STAU2: variants seen among roughly 807,000 people sequenced by gnomAD.
STAU2 encodes the protein double-stranded RNA-binding protein Staufen homolog 2.
Under a neutral mutation model 65.9 loss-of-function variants are expected in STAU2, and 20 were observed. The observed-to-expected ratio is 0.30, with a 90% CI of 0.21 to 0.44. The LOEUF is 0.44. STAU2 is among the 20% of genes least tolerant of loss of function. STAU2 has a pLI of 1.00. For synonymous variants in STAU2, 232 were observed against 233.9 expected (o/e 0.99, Z 0.07); for missense variants, 558 against 683.9 (o/e 0.82, Z 2.05).
chr8:73,438,578 T>C (rs1263585493), intron 13 of STAU2, among the ~76,000 whole-genome samples: 1 of 152,214 alleles, frequency 6.6e-6, no homozygotes, highest in Non-Finnish European at 1.5e-5. Context: ...CAATGCCTTA[T>C]TCTGGGGAAG....
intron 13 of STAU2, among the ~76,000 whole-genome samples, chr8:73,478,474 T>A (rs1820435723): frequency 6.8e-6 from 1 of 148,076 alleles, no homozygotes; most frequent in South Asian, 2.3e-4. Context: ...GAGTAGATGC[T>A]CTAAAAATAG....
At chr8:73,550,515 C>A in intron 13 of STAU2, 1 of 986,256 alleles carries the variant, frequency 1.0e-6, no homozygotes. Flanking sequence ...TCAGACATTT[C>A]TAAATGATTA....
chr8:73,623,884 T>C (rs908924251), intron 6 of STAU2, among the ~76,000 whole-genome samples: 1 of 152,210 alleles, frequency 6.6e-6, no homozygotes, highest in Non-Finnish European at 1.5e-5. Context: ...GATCTAACTG[T>C]TAATTCTTGA....
intron 13 of STAU2, among the ~76,000 whole-genome samples, chr8:73,498,252 A>G (rs1013446336): frequency 6.6e-6 from 1 of 151,858 alleles, no homozygotes; most frequent in African/African-American, 2.4e-5. Context: ...CAGTGAAAAA[A>G]GTAATAAAGG....
intron 13 of STAU2, among the ~76,000 whole-genome samples, chr8:73,477,914 A>G (rs1820398969): frequency 6.6e-6 from 1 of 152,168 alleles, no homozygotes; most frequent in South Asian, 2.1e-4. Flanking sequence ...ATGGAGAATA[A>G]GTACAATTTT....
intron 13 of STAU2, among the ~76,000 whole-genome samples, chr8:73,486,496 A>C (rs909035463): frequency 2.0e-5 from 3 of 151,790 alleles, no homozygotes; most frequent in African/African-American, 7.2e-5. Flanking sequence ...AACATACTTC[A>C]GACTGGTTTT....
chr8:73,613,884 C>T lies in STAU2; in HGVS notation c.751G>A (p.Glu251Lys). 6.2e-7 allele frequency: 1 copy of T among 1,613,816 alleles called. No homozygotes were observed. The highest frequency in any genetic ancestry group is 1.7e-5 in the Admixed American group (1 of 59,988). The change falls in exon 9 of 15, where the codon GAA becomes AAA. Residue 251 changes from glutamate (E) to lysine (K), a missense_variant. Physicochemically the swap from Glu to Lys is moderately conservative, Grantham distance 56 (BLOSUM62 1). Coordinates refer to ENST00000524300, the MANE Select transcript of STAU2 (RefSeq NM_001164380.2). ...TRVSVGEFSA[E>K]GEGNSKKLSK... ...AGTTTTTTGCTATTTCCTTCTCCTT[C>T]TGCAGAGAACTCTCCTACTGACACT...
At chr8:73,596,978 T>C (rs1196675846) in intron 10 of STAU2, among the ~76,000 whole-genome samples, 1 of 151,984 alleles carries the variant, frequency 6.6e-6, no homozygotes, top group Non-Finnish European at 1.5e-5. Flanking sequence ...TATCAAAACT[T>C]GAAGGACACA....
intron 13 of STAU2, among the ~76,000 whole-genome samples, chr8:73,424,682 T>G (rs534071859): frequency 3.9e-5 from 6 of 152,034 alleles, no homozygotes; most frequent in Non-Finnish European, 5.9e-5. Context: ...ATATGTGGAA[T>G]TTAATGTGTA....
intron 11 of STAU2, among the ~76,000 whole-genome samples, chr8:73,585,444 C>T (rs1810296114): frequency 1.3e-5 from 2 of 152,242 alleles, no homozygotes; most frequent in African/African-American, 4.8e-5. Flanking sequence ...CGTGCCATTG[C>T]ACACCAGCCT....
intron 13 of STAU2, among the ~76,000 whole-genome samples, chr8:73,428,439 A>G (rs2128881135): frequency 6.6e-6 from 1 of 152,226 alleles, no homozygotes. Context: ...GAGGGTGCAG[A>G]TATCTCTTGA....
upstream of STAU2, chr8:73,747,269 C>A: frequency 7.9e-7 from 1 of 1,264,222 alleles, no homozygotes; most frequent in Non-Finnish European, 1.1e-6. Flanking sequence ...CCCTCGTCTG[C>A]CAAGGGTGGG....
chr8:73,671,317 G>A (rs1817652353), intron 6 of STAU2, among the ~76,000 whole-genome samples: 1 of 151,458 alleles, frequency 6.6e-6, no homozygotes, highest in African/African-American at 2.4e-5. Flanking sequence ...GAGGCGGAGG[G>A]TGCAGTGAGC....
At position 73,709,175 on chromosome 8, in the gene STAU2, A is replaced by C; in HGVS notation, c.-17-13T>G. 3 of 1,487,154 alleles carry C rather than the reference A, an allele frequency of 2.0e-6. No individual in the cohort carries two copies. The highest frequency in any genetic ancestry group is 2.7e-6 in the Non-Finnish European group (3 of 1,123,234). 92.1% of individuals were successfully genotyped at this position (1,487,154 alleles called of 1,614,324 possible). ...TCTTGGAGAGAAGCTGTAAATAAAA[A>C]GGCTATAAAGTTTTTGTGAAGAATG... is the stretch of plus-strand genomic sequence containing the variant. On this transcript the variant is annotated splice_polypyrimidine_tract_variant and intron_variant, in intron 3 of 14. Coordinates refer to ENST00000524300, the MANE Select transcript of STAU2 (RefSeq NM_001164380.2).
At chr8:73,570,996 GACCCATCTCACATGCAGAGAC>G (rs1055267058) in intron 12 of STAU2, among the ~76,000 whole-genome samples, 31 of 152,068 alleles carry the variant, frequency 2.0e-4, no homozygotes, top group Non-Finnish European at 4.1e-4. Context: ...GTATTCAGGA[GACCCATCTCACATGCAGAGAC>G]ACACATAGGC....
intron 13 of STAU2, among the ~76,000 whole-genome samples, chr8:73,484,768 A>G (rs542713355): frequency 6.6e-6 from 1 of 152,190 alleles, no homozygotes; most frequent in East Asian, 1.9e-4. Context: ...TAAAACCCTG[A>G]TAAATCAATC....
intron 13 of STAU2, among the ~76,000 whole-genome samples, chr8:73,512,067 T>C: frequency 6.6e-6 from 1 of 152,200 alleles, no homozygotes; most frequent in Non-Finnish European, 1.5e-5. Flanking sequence ...CAAAAATAAA[T>C]ATAAAAGTTC....
chr8:73,747,378 C>G (rs1476421167), upstream of STAU2: 2 of 1,535,348 alleles, frequency 1.3e-6, no homozygotes, highest in Middle Eastern at 1.7e-4. Flanking sequence ...TCTGATTCCC[C>G]GCTCGTACCT....
chr8:73,593,682 C>A (rs1810981122), intron 11 of STAU2, among the ~76,000 whole-genome samples: 1 of 152,088 alleles, frequency 6.6e-6, no homozygotes, highest in African/African-American at 2.4e-5. Flanking sequence ...ATCTAATCAG[C>A]TGAAGGGCCT....
Sources: allele counts gnomAD v4.1 joint callset (sites outside exome capture counted in the v4.1 genomes callset), GRCh38; gene constraint gnomAD v4.1.1; transcripts MANE v1.5; gene names NCBI Gene and HGNC (gene_info 2026-07-23, HGNC 2026-07-21).